Variants in COP1 observed in about 807,000 individuals in gnomAD.
COP1 encodes the protein E3 ubiquitin-protein ligase COP1.
In COP1, 24 loss-of-function variants were observed where a neutral mutation model predicts 101.3. The observed-to-expected ratio is 0.24, with a 90% CI of 0.17 to 0.33. The LOEUF is 0.33. Among genes scored for constraint, COP1 ranks in the 10% least tolerant of loss-of-function variants. The pLI is 1.00. For missense variants in COP1, 663 were observed against 906.2 expected (o/e 0.73, Z 3.45); for synonymous variants, 347 against 341.9 (o/e 1.01, Z -0.17).
chr1:176,170,426 G>A (rs912506508), intron 3 of COP1, among the ~76,000 whole-genome samples: 3 of 152,178 alleles, frequency 2.0e-5, no homozygotes, highest in African/African-American at 7.2e-5. Context: ...CTACAGAATG[G>A]ATATTGTGTT....
intron 15 of COP1, among the ~76,000 whole-genome samples, chr1:176,000,253 T>C (rs1215194031): frequency 6.6e-6 from 1 of 152,102 alleles, no homozygotes; most frequent in Non-Finnish European, 1.5e-5. Flanking sequence ...AAGTCTTTAA[T>C]CCATTGTGAC....
At chr1:176,000,987 A>G (rs908027760) in intron 15 of COP1, among the ~76,000 whole-genome samples, 3 of 152,094 alleles carry the variant, frequency 2.0e-5, no homozygotes, top group East Asian at 1.9e-4. Context: ...CCTTTGAAAC[A>G]TTATGGCCAT....
chr1:175,950,642 T>C lies in COP1; in HGVS notation c.2134-3403A>G, dbSNP rs865915038. ...AATAAAAGTGTGAGTCAGTAATTCT[T>C]ATTATTTTCTCCCTCTTTTTTGGAA... On this transcript the variant is annotated intron_variant, in intron 18 of 19. Coordinates refer to ENST00000367669, the MANE Select transcript of COP1 (RefSeq NM_022457.7). Among the ~76,000 whole-genome samples, 3 of 152,346 alleles carry C rather than the reference T, an allele frequency of 2.0e-5. No individual in the cohort carries two copies. In the South Asian group the frequency reaches 6.2e-4, roughly 32 times the overall value.
intron 1 of COP1, among the ~76,000 whole-genome samples, chr1:176,200,235 C>A (rs1434841363): frequency 6.6e-6 from 1 of 152,154 alleles, no homozygotes; most frequent in Non-Finnish European, 1.5e-5. Context: ...TATATTTGAG[C>A]ACTTATTATT....
At chr1:176,179,857 C>G (rs948295037) in intron 2 of COP1, among the ~76,000 whole-genome samples, 40 of 145,196 alleles carry the variant, frequency 2.8e-4, no homozygotes, top group African/African-American at 7.5e-4. Context: ...CACTATCTCT[C>G]AGACAAAAAA....
chr1:176,164,600 T>C (rs1359311374), intron 3 of COP1, among the ~76,000 whole-genome samples: 1 of 152,148 alleles, frequency 6.6e-6, no homozygotes, highest in Non-Finnish European at 1.5e-5. Flanking sequence ...GGATGATATC[T>C]GGAACTGCTT....
intron 18 of COP1, among the ~76,000 whole-genome samples, chr1:175,975,115 C>T (rs116284833): frequency 6.6e-6 from 1 of 152,222 alleles, no homozygotes; most frequent in Non-Finnish European, 1.5e-5. Context: ...TCAGAGCCAA[C>T]AGTTTCATTC....
chr1:176,030,161 G>A (rs933917517), intron 14 of COP1, among the ~76,000 whole-genome samples: 1 of 152,064 alleles, frequency 6.6e-6, no homozygotes, highest in Non-Finnish European at 1.5e-5. Flanking sequence ...TTTTTAAATA[G>A]CAATATTTGA....
chr1:176,154,109 A>T (rs1223060314), intron 5 of COP1, among the ~76,000 whole-genome samples: 1 of 152,152 alleles, frequency 6.6e-6, no homozygotes, highest in Non-Finnish European at 1.5e-5. Flanking sequence ...GCCTCACAGA[A>T]TACTTAGGGA....
chr1:176,166,002 G>A (rs901506535), intron 3 of COP1, among the ~76,000 whole-genome samples: 9 of 152,064 alleles, frequency 5.9e-5, no homozygotes, highest in African/African-American at 1.7e-4. Flanking sequence ...TGAATATGCC[G>A]CATTGAATTT....
intron 15 of COP1, chr1:176,018,528 T>G (rs1666087823): frequency 1.3e-5 from 2 of 152,122 alleles, no homozygotes; most frequent in Admixed American, 1.3e-4. Context: ...TTTTACTCTT[T>G]TTTTCTCCCT....
chr1:176,108,881 A>C (rs1399605598), intron 9 of COP1, among the ~76,000 whole-genome samples: 1 of 152,128 alleles, frequency 6.6e-6, no homozygotes, highest in African/African-American at 2.4e-5. Flanking sequence ...TGGGAGGCAG[A>C]GGCAGGCAGA....
intron 18 of COP1, among the ~76,000 whole-genome samples, chr1:175,961,825 T>C (rs1213627080): frequency 1.3e-5 from 2 of 149,340 alleles, no homozygotes; most frequent in Non-Finnish European, 3.0e-5. Flanking sequence ...AATGGAACAA[T>C]GGAAGAATAA....
chr1:175,992,071 T>G (rs1464104825), intron 15 of COP1, among the ~76,000 whole-genome samples: 1 of 152,226 alleles, frequency 6.6e-6, no homozygotes, highest in Non-Finnish European at 1.5e-5. Context: ...CTAGACTTTT[T>G]GAACATTTTT....
intron 11 of COP1, among the ~76,000 whole-genome samples, chr1:176,060,157 C>CT (rs1276851035): frequency 1.3e-5 from 2 of 152,182 alleles, no homozygotes; most frequent in Non-Finnish European, 2.9e-5. Flanking sequence ...CAAGATCTTG[C>CT]TTTAAAACAA....
At chr1:176,147,007 T>C (rs980594672) in intron 6 of COP1, among the ~76,000 whole-genome samples, 1 of 152,222 alleles carries the variant, frequency 6.6e-6, no homozygotes, top group Non-Finnish European at 1.5e-5. Context: ...CTGATTGGTA[T>C]ATATCAATGT....
chr1:176,150,245 A>G (rs1370123092), intron 5 of COP1, among the ~76,000 whole-genome samples: 1 of 152,214 alleles, frequency 6.6e-6, no homozygotes, highest in Non-Finnish European at 1.5e-5. Flanking sequence ...AAGAGGCAAA[A>G]CAGATCAACG....
chr1:176,011,051 A>G (rs1420126441), intron 15 of COP1, among the ~76,000 whole-genome samples: 1 of 152,198 alleles, frequency 6.6e-6, no homozygotes, highest in African/African-American at 2.4e-5. Context: ...CCCTTTAAAC[A>G]TGCTTTCTAA....
intron 18 of COP1, chr1:175,968,454 T>G (rs1267900323): frequency 1.9e-6 from 1 of 519,152 alleles, no homozygotes; most frequent in Non-Finnish European, 3.8e-6. Context: ...GACAGAGACC[T>G]CCATATATTT....
Sources: gnomAD v4.1 joint callset for allele counts (sites outside exome capture counted in the v4.1 genomes callset) on GRCh38, gnomAD v4.1.1 for gene constraint, MANE v1.5 for transcripts, NCBI Gene and HGNC (gene_info 2026-07-23, HGNC 2026-07-21) for gene names.